Variants in ZIM2 observed in about 807,000 individuals in gnomAD.
ZIM2 encodes zinc finger protein 656.
ZIM2 carries 14 observed loss-of-function variants against 38.6 expected under a neutral mutation model. The ratio of observed to expected loss-of-function variants is 0.36; its 90% CI spans 0.24 to 0.57. ZIM2 has a LOEUF of 0.57. Among genes scored for constraint, ZIM2 ranks in the 20% least tolerant of loss-of-function variants. The probability of loss-of-function intolerance (pLI) is 0.81; values close to 1 mark genes in which losing one functional copy is unlikely to be tolerated. For synonymous variants in ZIM2, 247 were observed against 245.8 expected (o/e 1.00, Z -0.04); for missense variants, 680 against 695.1 (o/e 0.98, Z 0.24).
intron 10 of ZIM2, among the ~76,000 whole-genome samples, chr19:56,785,985 C>T (rs554480774): frequency 6.6e-6 from 1 of 152,202 alleles, no homozygotes; most frequent in East Asian, 1.9e-4. Context: ...CAGAACATTT[C>T]ATCGCCCCAA....
intron 7 of ZIM2, among the ~76,000 whole-genome samples, chr19:56,819,656 T>C (rs2060291673): frequency 6.6e-6 from 1 of 152,202 alleles, no homozygotes; most frequent in African/African-American, 2.4e-5. Context: ...TTTTTGAACC[T>C]TTCTTTCAGG....
chr19:56,795,381 C>A (rs2047150557), intron 9 of ZIM2, among the ~76,000 whole-genome samples: 1 of 152,226 alleles, frequency 6.6e-6, no homozygotes, highest in Non-Finnish European at 1.5e-5. Flanking sequence ...GCCCTCAAGT[C>A]CACTGGGGCC....
chr19:56,826,195 T>C (rs745329703), intron 3 of ZIM2, among the ~76,000 whole-genome samples, 193 bp downstream of exon 3: 1 of 152,142 alleles, frequency 6.6e-6, no homozygotes, highest in Non-Finnish European at 1.5e-5. Context: ...AGATGATTGG[T>C]GTGACATTTC....
At chr19:56,810,263 G>A in intron 9 of ZIM2, 2 of 983,092 alleles carry the variant, frequency 2.0e-6, no homozygotes, top group Non-Finnish European at 2.4e-6. Flanking sequence ...TAACTTCAAA[G>A]TTTCTATAAT....
chr19:56,786,285 C>G (rs893611024), intron 10 of ZIM2, among the ~76,000 whole-genome samples: 4 of 152,092 alleles, frequency 2.6e-5, no homozygotes, highest in African/African-American at 9.7e-5. Context: ...CTTAAGAATG[C>G]GTGTTCCAGG....
intron 9 of ZIM2, chr19:56,812,417 A>C (rs62130775): frequency 1.0e-6 from 1 of 977,932 alleles, no homozygotes; most frequent in Non-Finnish European, 1.2e-6. Context: ...GACTGTAAAG[A>C]ATTTTTTTTT....
intron 10 of ZIM2, chr19:56,782,566 C>G (rs1265852428): frequency 1.5e-5 from 6 of 401,488 alleles, no homozygotes; most frequent in African/African-American, 6.2e-5. Flanking sequence ...ATTTTATACC[C>G]ATTCAATTAA....
Position 56,821,658 on chromosome 19 carries a change from C to A in ZIM2, c.287G>T (p.Arg96Leu). Residue 96 changes from arginine (R) to leucine (L), a missense_variant, in exon 7 of 13, where the codon CGA (arginine) becomes CTA (leucine). Transcript: ENST00000629319. ...GAGGAAACCTGAGCATACCTGAGAT[C>A]GGGACTCATAAGCCCTGGAGTCCCT... ...DDRDSRAYES[R>L]SQDAESYQNV... is the part of the protein sequence containing the mutation. 1 of 1,613,856 alleles carries A rather than the reference C, an allele frequency of 6.2e-7. No homozygotes were observed. Among genetic ancestry groups the A allele is most frequent in the Non-Finnish European group, 8.5e-7 (1 of 1,179,974 alleles).
intron 9 of ZIM2, among the ~76,000 whole-genome samples, chr19:56,791,755 G>A (rs1245373881): frequency 1.3e-5 from 2 of 152,064 alleles, no homozygotes; most frequent in South Asian, 2.1e-4. Flanking sequence ...AGTATTATTT[G>A]TTTCAAAGCA....
At chr19:56,840,393 A>G (rs1232374958) in intron 1 of ZIM2, among the ~76,000 whole-genome samples, 189 bp downstream of exon 1, 1 of 152,100 alleles carries the variant, frequency 6.6e-6, no homozygotes. Flanking sequence ...CCTGGCCGCC[A>G]CTGTGCCCAC....
chr19:56,818,718 C>T lies in ZIM2; in HGVS notation c.295-16G>A. On this transcript the variant is annotated splice_polypyrimidine_tract_variant and intron_variant, in intron 7 of 12. Transcript: ENST00000629319. The stretch of plus-strand genomic sequence containing the variant: ...ATTCAGCATCCTAAAACAGCAAACA[C>T]AGACCTCTCAATGGAGTCTGTCCCC... 6.2e-7 allele frequency: 1 copy of T among 1,613,694 alleles called. No individual in the cohort carries two copies. Among genetic ancestry groups the T allele is most frequent in the Non-Finnish European group, 8.5e-7 (1 of 1,179,662 alleles).
chr19:56,816,158 T>C (rs768592437), intron 9 of ZIM2: 5 of 1,614,004 alleles, frequency 3.1e-6, no homozygotes, highest in Non-Finnish European at 4.2e-6. Context: ...TTAGTGGGAA[T>C]CTTCTGGTTT....
chr19:56,776,376 C>T (rs2046009509), intron 12 of ZIM2, among the ~76,000 whole-genome samples: 1 of 152,188 alleles, frequency 6.6e-6, no homozygotes, highest in African/African-American at 2.4e-5. Flanking sequence ...TGACACAAAT[C>T]AAGCAGGTTT....
chr19:56,812,958 T>A, intron 9 of ZIM2: 1 of 985,814 alleles, frequency 1.0e-6, no homozygotes, highest in Non-Finnish European at 1.2e-6. Flanking sequence ...CAGTATTAGG[T>A]TCCAAAGTGT....
Position 56,786,635 on chromosome 19 carries a change from T to G in ZIM2, c.570+3237A>C, listed in dbSNP as rs367791365. Among the ~76,000 whole-genome samples, 16 of 152,200 alleles carry G rather than the reference T, an allele frequency of 1.1e-4. No homozygotes were observed. The East Asian group carries it at 2.3e-3, about 22-fold the overall frequency. On this transcript the variant is annotated intron_variant, in intron 10 of 12. Transcript: ENST00000629319. ...GTCTCAAATCCCCAAATCCAAAAATTTAGTTGAAATAGGACGGCCAGATAA... is the reference window on the plus strand; with the variant it reads ...GTCTCAAATCCCCAAATCCAAAAATGTAGTTGAAATAGGACGGCCAGATAA...
At chr19:56,839,436 G>C (rs1033555206) in intron 1 of ZIM2, among the ~76,000 whole-genome samples, 2 of 148,796 alleles carry the variant, frequency 1.3e-5, no homozygotes, top group African/African-American at 5.0e-5. Flanking sequence ...GGCCTGAACA[G>C]ATCGTCACAT....
At chr19:56,831,418 T>C (rs2061558883) in intron 2 of ZIM2, among the ~76,000 whole-genome samples, 1 of 152,230 alleles carries the variant, frequency 6.6e-6, no homozygotes, top group African/African-American at 2.4e-5. Flanking sequence ...ACCTCAGTGT[T>C]TGGTTACTCA....
At chr19:56,832,352 T>A (rs12462612) in intron 2 of ZIM2, among the ~76,000 whole-genome samples, 13,180 of 152,012 alleles carry the variant, frequency 0.087, 726 homozygotes, top group Admixed American at 0.16. Context: ...TCACCATCTG[T>A]ACCTCCCCTC....
chr19:56,785,072 T>A (rs2046525575), intron 10 of ZIM2, among the ~76,000 whole-genome samples: 1 of 152,094 alleles, frequency 6.6e-6, no homozygotes, highest in Non-Finnish European at 1.5e-5. Flanking sequence ...AAAAAAAAAT[T>A]AGGAAATGTC....
Sources: gnomAD v4.1 joint callset for allele counts (sites outside exome capture counted in the v4.1 genomes callset) on GRCh38, gnomAD v4.1.1 for gene constraint, MANE v1.5 for transcripts, NCBI Gene and HGNC (gene_info 2026-07-23, HGNC 2026-07-21) for gene names.